MAGI1: variants seen among roughly 807,000 people sequenced by gnomAD.
The protein encoded by MAGI1 is membrane associated guanylate kinase, WW and PDZ domain containing 1, also known as membrane-associated guanylate kinase, WW and PDZ domain-containing protein 1.
A neutral mutation model predicts 139.9 loss-of-function variants in MAGI1; 58 were observed. The observed-to-expected ratio is 0.41, with a 90% confidence interval of 0.34 to 0.52. The LOEUF is 0.52. Ranked by LOEUF, MAGI1 falls within the 20% of genes least tolerant of loss-of-function variation. The pLI, the probability that MAGI1 is intolerant of heterozygous loss-of-function variation, is 0.12. For missense variants in MAGI1, 1,874 were observed against 1,901.6 expected (o/e 0.99, Z 0.27); for synonymous variants, 812 against 737.9 (o/e 1.10, Z -1.63).
At chr3:65,588,904 T>C (rs1319475974) in intron 2 of MAGI1, among the ~76,000 whole-genome samples, 3 of 152,202 alleles carry the variant, frequency 2.0e-5, no homozygotes, top group Non-Finnish European at 4.4e-5. Context: ...AATATTTATA[T>C]ACCTAAATTG....
At chr3:65,503,341 A>T (rs1275947640) in intron 2 of MAGI1, among the ~76,000 whole-genome samples, 1 of 152,220 alleles carries the variant, frequency 6.6e-6, no homozygotes, top group East Asian at 1.9e-4. Flanking sequence ...GTAATCTACA[A>T]ATCACTTCAC....
intron 5 of MAGI1, 38 bp from the exon 6 acceptor site, chr3:65,453,378 A>T: frequency 7.4e-7 from 1 of 1,344,790 alleles, no homozygotes; most frequent in African/African-American, 1.5e-5. Context: ...TTTGTTTGAA[A>T]AAAAAAAAAA....
At position 65,621,014 on chromosome 3, in the gene MAGI1, A is replaced by AG. The variant is rs1553681753; in HGVS notation, c.430+957dup. ...TTAGCACTCTAGCATATCATTTGCA[A>AG]GTTTTTTTTTTAAAAGAAAACCATT... is the stretch of plus-strand genomic sequence containing the variant. On this transcript the variant is annotated intron_variant, in intron 2 of 22. Coordinates refer to ENST00000402939, the MANE Select transcript of MAGI1 (RefSeq NM_001033057.2). Among the ~76,000 whole-genome samples the AG allele has an allele frequency of 3.3e-3, 254 of 75,970 alleles. 1 individual carries two copies. Among genetic ancestry groups the AG allele is most frequent in the African/African-American group, 0.011 (230 of 20,570 alleles). The allele number at this position is 75,970 out of a possible 152,430, so 49.8% of individuals were successfully genotyped here.
chr3:65,848,450 T>C (rs940021299), intron 1 of MAGI1, among the ~76,000 whole-genome samples: 1 of 152,144 alleles, frequency 6.6e-6, no homozygotes, highest in African/African-American at 2.4e-5. Flanking sequence ...ATTGTTCAAC[T>C]TGCAATAATG....
intron 1 of MAGI1, among the ~76,000 whole-genome samples, chr3:65,898,020 CAAAT>C (rs1176600770): frequency 6.6e-6 from 1 of 152,082 alleles, no homozygotes; most frequent in Non-Finnish European, 1.5e-5. Flanking sequence ...ACTTGCAGTC[CAAAT>C]CCAAATATTT....
intron 1 of MAGI1, among the ~76,000 whole-genome samples, chr3:65,865,106 T>A (rs187622902): frequency 6.6e-6 from 1 of 152,236 alleles, no homozygotes; most frequent in Non-Finnish European, 1.5e-5. Context: ...CACAACTACA[T>A]AGACACACCT....
At chr3:65,614,331 A>C (rs1396333663) in intron 2 of MAGI1, among the ~76,000 whole-genome samples, 1 of 152,148 alleles carries the variant, frequency 6.6e-6, no homozygotes, top group Non-Finnish European at 1.5e-5. Flanking sequence ...AATGGCTGTA[A>C]AATGCAGTGG....
intron 2 of MAGI1, among the ~76,000 whole-genome samples, chr3:65,510,195 A>G (rs1455979084): frequency 9.2e-5 from 14 of 152,368 alleles, no homozygotes; most frequent in Non-Finnish European, 7.3e-5. Flanking sequence ...AAAACCACAA[A>G]GATGGGGAAA....
chr3:65,804,659 C>A (rs1259691651), intron 1 of MAGI1, among the ~76,000 whole-genome samples: 3 of 152,014 alleles, frequency 2.0e-5, no homozygotes, highest in African/African-American at 7.2e-5. Context: ...TACACTTGTG[C>A]CAATCACCAA....
At chr3:65,905,836 A>G (rs1413038524) in intron 1 of MAGI1, among the ~76,000 whole-genome samples, 1 of 152,200 alleles carries the variant, frequency 6.6e-6, no homozygotes, top group Non-Finnish European at 1.5e-5. Flanking sequence ...CACAGTAGTA[A>G]ATGACTACAT....
intron 2 of MAGI1, among the ~76,000 whole-genome samples, chr3:65,524,740 G>A (rs2078310491): frequency 6.6e-6 from 1 of 152,140 alleles, no homozygotes; most frequent in African/African-American, 2.4e-5. Context: ...GCAACAGGTG[G>A]ATATCTGATA....
intron 1 of MAGI1, among the ~76,000 whole-genome samples, chr3:65,920,743 C>T (rs1008717970): frequency 3.3e-5 from 5 of 152,096 alleles, no homozygotes; most frequent in Non-Finnish European, 7.4e-5. Context: ...TTGGTAAGAA[C>T]AAAATGGCAG....
chr3:65,985,998 T>C (rs1232190849), intron 1 of MAGI1, among the ~76,000 whole-genome samples: 1 of 152,230 alleles, frequency 6.6e-6, no homozygotes, highest in Non-Finnish European at 1.5e-5. Flanking sequence ...CCCTAGTTGA[T>C]AGATTCTCTG....
intron 5 of MAGI1, among the ~76,000 whole-genome samples, chr3:65,453,641 T>A (rs886542234): frequency 6.6e-6 from 1 of 152,200 alleles, no homozygotes; most frequent in East Asian, 1.9e-4. Context: ...GCGTATACCA[T>A]CTACCCTTGT....
chr3:65,475,913 T>C (rs1055092566), intron 4 of MAGI1, among the ~76,000 whole-genome samples: 2 of 152,016 alleles, frequency 1.3e-5, no homozygotes, highest in Non-Finnish European at 2.9e-5. Context: ...GCAGCTAAGA[T>C]AGAAACAGCA....
At chr3:65,505,568 C>T in intron 2 of MAGI1, among the ~76,000 whole-genome samples, 1 of 151,330 alleles carries the variant, frequency 6.6e-6, no homozygotes, top group East Asian at 1.9e-4. Flanking sequence ...CCACTTAAGA[C>T]CAGCAGAGGT....
intron 1 of MAGI1, among the ~76,000 whole-genome samples, chr3:65,627,345 T>C (rs991091966): frequency 6.6e-6 from 1 of 152,092 alleles, no homozygotes; most frequent in African/African-American, 2.4e-5. Context: ...ATTCCAGTCA[T>C]TATGCAACAA....
chr3:65,537,380 C>G (rs1454414788), intron 2 of MAGI1, among the ~76,000 whole-genome samples: 1 of 152,196 alleles, frequency 6.6e-6, no homozygotes, highest in Admixed American at 6.5e-5. Flanking sequence ...TCACTCCTTT[C>G]TCTGTGTTCC....
intron 1 of MAGI1, among the ~76,000 whole-genome samples, chr3:65,915,919 T>C (rs2061878971): frequency 6.6e-6 from 1 of 151,648 alleles, no homozygotes; most frequent in African/African-American, 2.4e-5. Context: ...CAAATTTGTG[T>C]ATTTATTATC....
Sources: gnomAD v4.1 joint callset for allele counts (sites outside exome capture counted in the v4.1 genomes callset) on GRCh38, gnomAD v4.1.1 for gene constraint, MANE v1.5 for transcripts, NCBI Gene and HGNC (gene_info 2026-07-23, HGNC 2026-07-21) for gene names.